PDE4C: variants seen among roughly 807,000 people sequenced by gnomAD.
PDE4C encodes the protein 3',5'-cyclic-AMP phosphodiesterase 4C.
PDE4C carries 50 observed loss-of-function variants against 63.9 expected under a neutral mutation model. That is an observed-to-expected ratio of 0.78 (90% confidence interval 0.62 to 0.99). The LOEUF (loss-of-function observed/expected upper bound fraction) is 0.99, where lower values mean the gene tolerates loss of function less well. Among genes scored for constraint, PDE4C ranks in the 50% least tolerant of loss-of-function variants. The pLI, the probability that PDE4C is intolerant of heterozygous loss-of-function variation, is 0.00. For missense variants in PDE4C, 777 were observed against 899.1 expected (o/e 0.86, Z 1.74); for synonymous variants, 377 against 385.1 (o/e 0.98, Z 0.25).
chr19:18,253,298 G>C, the PDE4C span, among the ~76,000 whole-genome samples: 1 of 152,140 alleles, frequency 6.6e-6, no homozygotes, highest in Non-Finnish European at 1.5e-5. Context: ...CGGGAGGATT[G>C]CCTGACCCCA....
intron 12 of PDE4C, among the ~76,000 whole-genome samples, chr19:18,214,948 C>CAAAA (rs34534126): frequency 9.8e-6 from 1 of 102,350 alleles, no homozygotes; most frequent in Non-Finnish European, 1.9e-5. Context: ...GACTCCATTT[C>CAAAA]AAAAAAAAAA....
At chr19:18,237,280 T>C (rs1446343571), upstream of PDE4C, among the ~76,000 whole-genome samples, 1 of 151,836 alleles carries the variant, frequency 6.6e-6, no homozygotes, top group Non-Finnish European at 1.5e-5. Context: ...GGCCAGGCGC[T>C]GTGGCTCGTG....
chr19:18,255,204 C>G, the PDE4C span: 2 of 398,824 alleles, frequency 5.0e-6, no homozygotes, highest in Non-Finnish European at 4.4e-6. The surrounding 1 kb of genome is among the most constrained non-coding windows in gnomAD (Gnocchi z 4.6). Context: ...AGCTGAGCCT[C>G]TTTACCAGCT....
At chr19:18,241,269 T>G (rs1271633095) in intron 1 of PDE4C, among the ~76,000 whole-genome samples, 3 of 98,308 alleles carry the variant, frequency 3.1e-5, no homozygotes, top group Non-Finnish European at 6.1e-5. Flanking sequence ...TTTTTTTTTT[T>G]TTTTTTTTTT....
At chr19:18,222,441 T>C (rs901434543) in intron 1 of PDE4C, 118 bp from the exon 2 acceptor site, 2 of 872,168 alleles carry the variant, frequency 2.3e-6, no homozygotes, top group Non-Finnish European at 3.5e-6. Context: ...AAGTGTGGTT[T>C]CCAGCTTGTT....
chr19:18,218,804 C>A, intron 9 of PDE4C, 136 bp downstream of exon 9: 1 of 779,316 alleles, frequency 1.3e-6, no homozygotes, highest in Admixed American at 2.0e-5. Flanking sequence ...ATTCATCCTT[C>A]AATACCCTGC....
At chr19:18,232,376 TGTGTGTGTGTGTGTG>T (rs1968867005) in intron 1 of PDE4C, among the ~76,000 whole-genome samples, 6 of 149,338 alleles carry the variant, frequency 4.0e-5, no homozygotes, top group East Asian at 2.0e-4. Flanking sequence ...AATAAAAACG[TGTGTGTGTGTGTGTG>T]TGTGTGTGTG....
At chr19:18,247,025 T>C (rs1309743583) in intron 1 of PDE4C, among the ~76,000 whole-genome samples, 1 of 152,060 alleles carries the variant, frequency 6.6e-6, no homozygotes, top group African/African-American at 2.4e-5. Context: ...CCCCGCAGGG[T>C]TTTCCTCTTG....
chr19:18,250,293 C>G (rs1269263146), upstream of PDE4C: 9 of 399,000 alleles, frequency 2.3e-5, no homozygotes, highest in Non-Finnish European at 4.0e-5. Flanking sequence ...GCTGAGCCCC[C>G]AGCCCAGCCC....
chr19:18,228,589 C>G (rs918790041), upstream of PDE4C, among the ~76,000 whole-genome samples: 5 of 152,326 alleles, frequency 3.3e-5, no homozygotes, highest in African/African-American at 1.2e-4. Flanking sequence ...AGGGGCGAGT[C>G]TCACATTAAT....
At chr19:18,236,218 C>T (rs1488735989), upstream of PDE4C, among the ~76,000 whole-genome samples, 1 of 152,024 alleles carries the variant, frequency 6.6e-6, no homozygotes, top group Non-Finnish European at 1.5e-5. Context: ...GCTGGGATTA[C>T]AGGAGTGAGC....
At chr19:18,232,387 G>A (rs200872623) in intron 1 of PDE4C, among the ~76,000 whole-genome samples, 2 of 49,164 alleles carry the variant, frequency 4.1e-5, no homozygotes, top group South Asian at 1.4e-3. Flanking sequence ...GTGTGTGTGT[G>A]TGTGTGTGTG....
upstream of PDE4C, among the ~76,000 whole-genome samples, chr19:18,248,748 G>A (rs1969181784): frequency 1.3e-5 from 2 of 152,100 alleles, no homozygotes; most frequent in Non-Finnish European, 2.9e-5. Flanking sequence ...TCATTGGCTG[G>A]GCGCGGTGGC....
At chr19:18,224,263 C>T in intron 1 of PDE4C, 1 of 985,494 alleles carries the variant, frequency 1.0e-6, no homozygotes, top group Non-Finnish European at 1.2e-6. Flanking sequence ...GAAGGGCAGG[C>T]GGAAGCGGCA....
In PDE4C at chr19:18,220,622, G is replaced by C. The variant is rs779600971; in HGVS notation, c.500-107C>G. 1 of 1,021,644 alleles carries C rather than the reference G, an allele frequency of 9.8e-7. No individual in the cohort carries two copies. The highest frequency in any genetic ancestry group is 1.5e-5 in the South Asian group (1 of 66,196). 63.3% of individuals were successfully genotyped at this position (1,021,644 alleles called of 1,614,324 possible). A position where few individuals can be genotyped will look rare whatever the true frequency, so the allele number is the denominator to read the frequency against. ...GGACCCTGAAACTGTTCCCACGGGG[G>C]CCACCCAGGACTCCTGGACCCAAGT... On this transcript the variant is annotated intron_variant, in intron 5 of 14. Transcript: ENST00000262805. This position sits in a 1 kb window ranked among gnomAD's most constrained non-coding sequence, Gnocchi z 5.1.
intron 11 of PDE4C, 177 bp from the exon 12 acceptor site, chr19:18,217,072 G>A (rs1380691313): frequency 1.6e-6 from 1 of 625,194 alleles, no homozygotes; most frequent in Non-Finnish European, 2.6e-6. Context: ...CAGGGCTAGG[G>A]TTGTCTGTGT....
chr19:18,221,049 T>TCCGCCAGGCCCCGCCCAACC, intron 4 of PDE4C, 56 bp downstream of exon 4: 1 of 1,239,970 alleles, frequency 8.1e-7, no homozygotes, highest in Non-Finnish European at 1.1e-6. Context: ...CAGCCCGCTT[T>TCCGCCAGGCCCCGCCCAACC]CCGCCCACCT....
rs750038257 is a variant in PDE4C at position 18,218,149 on chromosome 19, TG to T, written c.1233del (p.Asn412ThrfsTer43). On this transcript the variant is annotated frameshift_variant and splice_region_variant, in exon 11 of 15. Transcript: ENST00000262805. LOFTEE classifies it high-confidence loss of function. ...GCACCCACTTCCCACTCCTACTTAC[TG>T]GTGTTAATCAGAAACTGGTTGGAGA... 6.2e-7 allele frequency: 1 copy of T among 1,611,162 alleles called. No homozygotes were observed. The highest frequency in any genetic ancestry group is 1.1e-5 in the South Asian group (1 of 91,032).
upstream of PDE4C, among the ~76,000 whole-genome samples, chr19:18,237,599 C>G (rs1335491032): frequency 6.8e-6 from 1 of 146,288 alleles, no homozygotes; most frequent in African/African-American, 2.5e-5. Context: ...CCAGCCAGGC[C>G]CAGTGGCTCA....
Sources: allele counts gnomAD v4.1 joint callset (sites outside exome capture counted in the v4.1 genomes callset), GRCh38; gene constraint gnomAD v4.1.1; non-coding constraint Gnocchi (gnomAD v3.1); transcripts MANE v1.5; gene names NCBI Gene and HGNC (gene_info 2026-07-23, HGNC 2026-07-21).